SPATS2: variants seen among roughly 807,000 people sequenced by gnomAD.
SPATS2 encodes spermatogenesis associated serine rich 2.
SPATS2 carries 38 observed loss-of-function variants against 63.7 expected under a neutral mutation model. That is an observed-to-expected ratio of 0.60 (90% CI 0.46 to 0.78). The LOEUF is 0.78. Ranked by LOEUF, SPATS2 falls within the 30% of genes least tolerant of loss-of-function variation. SPATS2 has a pLI of 0.00. For synonymous variants in SPATS2, 207 were observed against 232.9 expected, an observed-to-expected ratio of 0.89 and a Z score of 1.01; for missense variants, 588 against 666.2, an observed-to-expected ratio of 0.88 and a Z score of 1.29.
At chr12:49,492,646 T>C (rs771588682) in intron 6 of SPATS2, among the ~76,000 whole-genome samples, 10 of 152,194 alleles carry the variant, frequency 6.6e-5, no homozygotes, top group Non-Finnish European at 1.0e-4. Context: ...GAAAGAAATA[T>C]GACTTCAGTT....
intron 2 of SPATS2, among the ~76,000 whole-genome samples, chr12:49,436,280 C>A (rs1945285299): frequency 6.9e-6 from 1 of 145,170 alleles, no homozygotes; most frequent in Non-Finnish European, 1.5e-5. Flanking sequence ...GGCTGACCTC[C>A]CCACCTCCCT....
In SPATS2 at chr12:49,498,145, A is replaced by AATATATATATATATAT. The variant is rs1555191172; in HGVS notation, c.703+1145_703+1160dup. 7.4e-4 allele frequency among the ~76,000 whole-genome samples: 73 copies of AATATATATATATATAT among 98,930 alleles called. 1 individual carries two copies. The highest frequency in any genetic ancestry group is 3.0e-3 in the African/African-American group (62 of 20,340). 64.9% of individuals were successfully genotyped at this position (98,930 alleles called of 152,430 possible). A position where few individuals can be genotyped will look rare whatever the true frequency, so the allele number is the denominator to read the frequency against. The stretch of plus-strand genomic sequence containing the variant: ...ATCCAATCAAGCCAAAAAAAAAAAA[A>AATATATATATATATAT]ATATATATATATATATATATATATG... On this transcript the variant is annotated intron_variant, in intron 8 of 13. Transcript: ENST00000552918.
intron 9 of SPATS2, among the ~76,000 whole-genome samples, chr12:49,509,355 A>G (rs577976500): frequency 7.6e-6 from 1 of 130,784 alleles, no homozygotes; most frequent in East Asian, 2.3e-4. Flanking sequence ...ATCTCGGCTC[A>G]CTGCAACCCC....
At chr12:49,404,803 C>T (rs1014522128) in intron 2 of SPATS2, among the ~76,000 whole-genome samples, 1 of 152,136 alleles carries the variant, frequency 6.6e-6, no homozygotes, top group African/African-American at 2.4e-5. Flanking sequence ...CTACTGTTCA[C>T]GGACAGGTCA....
intron 2 of SPATS2, among the ~76,000 whole-genome samples, chr12:49,392,663 A>C (rs1944438347): frequency 6.6e-6 from 1 of 151,444 alleles, no homozygotes; most frequent in African/African-American, 2.4e-5. Flanking sequence ...CGGTGAGCCG[A>C]GATCTCACCA....
At chr12:49,383,829 T>C (rs928492892) in intron 2 of SPATS2, among the ~76,000 whole-genome samples, 1 of 152,210 alleles carries the variant, frequency 6.6e-6, no homozygotes, top group Admixed American at 6.5e-5. Flanking sequence ...TTTTATATGG[T>C]TCTTGTCGGG....
At chr12:49,411,104 GC>G (rs1444616172) in intron 2 of SPATS2, among the ~76,000 whole-genome samples, 3 of 152,106 alleles carry the variant, frequency 2.0e-5, no homozygotes, top group African/African-American at 7.2e-5. Context: ...GCTATCAGGA[GC>G]CAGAGCCCAT....
chr12:49,522,564 T>C (rs376177358), intron 11 of SPATS2, among the ~76,000 whole-genome samples, 187 bp from the exon 12 acceptor site: 2 of 152,366 alleles, frequency 1.3e-5, no homozygotes, highest in East Asian at 1.9e-4. Context: ...TACAAACTTA[T>C]CTGTGGGCTC....
intron 2 of SPATS2, among the ~76,000 whole-genome samples, chr12:49,377,532 C>T (rs1393346641): frequency 1.3e-5 from 2 of 152,162 alleles, no homozygotes; most frequent in Non-Finnish European, 2.9e-5. Flanking sequence ...GAGAACACAT[C>T]ATCCTTTCAC....
At position 49,505,744 on chromosome 12, in the gene SPATS2, A is replaced by ATG. The variant is rs781506004; in HGVS notation, c.839+5541_839+5542dup. ...GTTAATTCTGTTTTACTGAAAATAA[A>ATG]TGTATGTCTTAGGTTAAGCAATTTG... is the stretch of plus-strand genomic sequence containing the variant. On this transcript the variant is annotated intron_variant, in intron 9 of 13. Coordinates refer to ENST00000552918, the MANE Select transcript of SPATS2 (RefSeq NM_023071.4). 3.3e-5 allele frequency among the ~76,000 whole-genome samples: 5 copies of ATG among 152,190 alleles called. No individual in the cohort carries two copies. In the East Asian group the frequency reaches 9.6e-4, roughly 29 times the overall value.
chr12:49,412,312 A>G (rs1944811273), intron 2 of SPATS2, among the ~76,000 whole-genome samples: 1 of 151,938 alleles, frequency 6.6e-6, no homozygotes, highest in South Asian at 2.1e-4. Context: ...TTCCTGCCTC[A>G]GCCTCCCGAG....
intron 2 of SPATS2, 124 bp from the exon 3 acceptor site, chr12:49,460,646 C>G (rs1565733365): frequency 4.6e-6 from 1 of 216,884 alleles, no homozygotes. Flanking sequence ...TACATTGTTT[C>G]TATAGTACTT....
At chr12:49,515,937 C>G (rs1282516548) in intron 10 of SPATS2, among the ~76,000 whole-genome samples, 1 of 150,938 alleles carries the variant, frequency 6.6e-6, no homozygotes, top group Non-Finnish European at 1.5e-5. Context: ...GTCAGGAGAT[C>G]GAGGCCATCC....
At chr12:49,500,287 A>G (rs1946542902) in intron 9 of SPATS2, 82 bp downstream of exon 9, 1 of 1,431,352 alleles carries the variant, frequency 7.0e-7, no homozygotes. Flanking sequence ...CCCCAAGTTC[A>G]TTCATTCATG....
chr12:49,453,032 G>T (rs1312781495), intron 2 of SPATS2, among the ~76,000 whole-genome samples: 1 of 151,856 alleles, frequency 6.6e-6, no homozygotes, highest in East Asian at 1.9e-4. Flanking sequence ...GATGGCGGGC[G>T]CCTGTAGTCC....
At chr12:49,487,049 T>G (rs1745229286) in intron 4 of SPATS2, among the ~76,000 whole-genome samples, 1 of 152,200 alleles carries the variant, frequency 6.6e-6, no homozygotes, top group South Asian at 2.1e-4. Context: ...ATTTTTATAA[T>G]ACTCATAAAA....
chr12:49,390,519 A>G (rs1229093850), intron 2 of SPATS2, among the ~76,000 whole-genome samples: 2 of 152,240 alleles, frequency 1.3e-5, no homozygotes, highest in Non-Finnish European at 2.9e-5. Context: ...ATTTAAAAAT[A>G]TAAAGTTTTG....
intron 3 of SPATS2, among the ~76,000 whole-genome samples, chr12:49,470,085 G>A (rs1946007707): frequency 6.6e-6 from 1 of 151,870 alleles, no homozygotes; most frequent in Non-Finnish European, 1.5e-5. Flanking sequence ...CTGGAGTGGT[G>A]TAATGGCACA....
chr12:49,436,499 G>T (rs577458966), intron 2 of SPATS2, among the ~76,000 whole-genome samples: 1 of 137,968 alleles, frequency 7.2e-6, no homozygotes, highest in Non-Finnish European at 1.6e-5. Flanking sequence ...CTTACCTCCC[G>T]GACGGGGCGG....
Sources: gnomAD v4.1 joint callset for allele counts (sites outside exome capture counted in the v4.1 genomes callset) on GRCh38, gnomAD v4.1.1 for gene constraint, MANE v1.5 for transcripts, NCBI Gene and HGNC (gene_info 2026-07-23, HGNC 2026-07-21) for gene names.